GALNT16: variants seen among roughly 807,000 people sequenced by gnomAD.
The protein encoded by GALNT16 is UDP-GalNAc:polypeptide N-acetylgalactosaminyltransferase-like protein 1.
A neutral mutation model predicts 76.1 loss-of-function variants in GALNT16; 40 were observed. That is an observed-to-expected ratio of 0.53 (90% CI 0.41 to 0.68). The LOEUF (loss-of-function observed/expected upper bound fraction) is 0.68, where lower values mean the gene tolerates loss of function less well. GALNT16 is among the 30% of genes least tolerant of loss of function. The pLI is 0.00. For synonymous variants in GALNT16, 276 were observed against 285.2 expected (o/e 0.97, Z 0.32); for missense variants, 621 against 731.9 (o/e 0.85, Z 1.75).
rs1309944354 is a variant in GALNT16 at position 69,349,088 on chromosome 14, C to T, written c.1539+1086C>T. ...GTGCCATTCTGGAAAGCAGCCACAG[C>T]CTCTCCCTCCGGCCTGTGTGTGTCT... On this transcript the variant is annotated intron_variant, in intron 14 of 14. Transcript: ENST00000448469. 6 of 152,462 alleles carry T rather than the reference C, an allele frequency of 3.9e-5. No homozygotes were observed. The East Asian group carries it at 5.8e-4, about 15-fold the overall frequency. The allele number at this position is 152,462 out of a possible 1,614,324, so 9.4% of individuals were successfully genotyped here. A position where few individuals can be genotyped will look rare whatever the true frequency, so the allele number is the denominator to read the frequency against.
chr14:69,368,691 G>A, the GALNT16 span, among the ~76,000 whole-genome samples: 1 of 152,176 alleles, frequency 6.6e-6, no homozygotes, highest in Non-Finnish European at 1.5e-5. Context: ...AATCACTGGG[G>A]GCCACCTCAG....
chr14:69,324,334 C>A (rs770447611), intron 2 of GALNT16, among the ~76,000 whole-genome samples: 31 of 152,178 alleles, frequency 2.0e-4, no homozygotes, highest in Non-Finnish European at 4.0e-4. Context: ...CTCGCACATA[C>A]CCCCCACCAT....
rs148042384 is a variant in GALNT16, at chr14:69,329,548, G to A, written c.690+977G>A. ...AAAAGATGGACAATAACAAGTGCTG[G>A]CAAGGACATGGAGAAATAGGAGCTG... On this transcript the variant is annotated intron_variant, in intron 6 of 14. Transcript: ENST00000448469. Among the ~76,000 whole-genome samples the A allele has an allele frequency of 2.2e-3, 332 of 152,268 alleles. 1 individual carries two copies. Among genetic ancestry groups the A allele is most frequent in the Admixed American group, 0.01 (160 of 15,300 alleles).
At chr14:69,373,708 T>C in the GALNT16 span, among the ~76,000 whole-genome samples, 1 of 152,046 alleles carries the variant, frequency 6.6e-6, no homozygotes. Flanking sequence ...TCTTTCTCTT[T>C]TTCTTTTCTT....
chr14:69,371,551 C>T, the GALNT16 span, among the ~76,000 whole-genome samples: 1 of 151,956 alleles, frequency 6.6e-6, no homozygotes, highest in Non-Finnish European at 1.5e-5. Flanking sequence ...CCACCACACC[C>T]GGCCTAACAG....
chr14:69,322,886 G>A lies in GALNT16; in HGVS notation c.336-1806G>A, dbSNP rs147422965. On this transcript the variant is annotated intron_variant, in intron 2 of 14. Coordinates refer to ENST00000448469, the MANE Select transcript of GALNT16 (RefSeq NM_001168368.2). ...AGCCTGGGTGCCAGAGTAAGGCTCC[G>A]TCTCAAAAAAGAAAAAAGAAAGCTG... Among the ~76,000 whole-genome samples the A allele has an allele frequency of 1.1e-4, 17 of 150,232 alleles. No homozygotes were observed. In the East Asian group the frequency reaches 2.2e-3, roughly 19 times the overall value.
intron 1 of GALNT16, among the ~76,000 whole-genome samples, chr14:69,272,829 G>T (rs1476701454): frequency 6.6e-6 from 1 of 152,224 alleles, no homozygotes; most frequent in African/African-American, 2.4e-5. Context: ...ATTCAGGACA[G>T]TAATATGCTG....
chr14:69,327,348 A>G (rs2045299099), intron 5 of GALNT16, among the ~76,000 whole-genome samples: 1 of 152,020 alleles, frequency 6.6e-6, no homozygotes, highest in Non-Finnish European at 1.5e-5. Context: ...ACAGAGCGAC[A>G]CTCAGTTTCG....
intron 1 of GALNT16, among the ~76,000 whole-genome samples, chr14:69,304,257 T>C (rs1401495531): frequency 1.3e-5 from 2 of 152,208 alleles, no homozygotes; most frequent in Non-Finnish European, 2.9e-5. Flanking sequence ...TGAAACAGAC[T>C]GGTAAAGGCC....
chr14:69,373,084 C>G, the GALNT16 span, among the ~76,000 whole-genome samples: 1 of 152,132 alleles, frequency 6.6e-6, no homozygotes, highest in Non-Finnish European at 1.5e-5. Flanking sequence ...AGGGCAAGGA[C>G]CCAGAACTGT....
At chr14:69,273,245 G>C (rs1001653442) in intron 1 of GALNT16, among the ~76,000 whole-genome samples, 1 of 152,210 alleles carries the variant, frequency 6.6e-6, no homozygotes, top group East Asian at 1.9e-4. Flanking sequence ...TTGGAGGAGG[G>C]GTAGGAGCAG....
intron 11 of GALNT16, among the ~76,000 whole-genome samples, chr14:69,340,270 C>A (rs372837947): frequency 6.6e-6 from 1 of 152,024 alleles, no homozygotes; most frequent in African/African-American, 2.4e-5. Flanking sequence ...TGTTCCAGGA[C>A]CCCCCACGGA....
intron 1 of GALNT16, among the ~76,000 whole-genome samples, chr14:69,282,175 C>T (rs1037500183): frequency 1.3e-5 from 2 of 152,174 alleles, no homozygotes; most frequent in Non-Finnish European, 2.9e-5. Context: ...CACCCGCATC[C>T]CCTGGAGGCG....
chr14:69,301,814 C>A (rs367709342), intron 1 of GALNT16, among the ~76,000 whole-genome samples: 144 of 152,198 alleles, frequency 9.5e-4, no homozygotes, highest in African/African-American at 3.4e-3. Context: ...CATGGTGAAA[C>A]CTGCTCTCTC....
In GALNT16 at chr14:69,347,894, C is replaced by T. The variant is rs1019863351; in HGVS notation, c.1431C>T (p.Asp477=). ...CCTTGCAGGCATGGCTGTTCAGTGA[C>T]CACCTCATCCAGCAGCAGGGGAAGT... ...PQPAQAWLFS[D]HLIQQQGKCL... The change falls in exon 14 of 15, where the codon GAC becomes GAT. Residue 477 remains aspartate, a synonymous_variant. Coordinates refer to ENST00000448469, the MANE Select transcript of GALNT16 (RefSeq NM_001168368.2). 6.2e-7 allele frequency: 1 copy of T among 1,613,864 alleles called. No homozygotes were observed. Among genetic ancestry groups the T allele is most frequent in the East Asian group, 2.2e-5 (1 of 44,886 alleles).
At chr14:69,289,741 G>A (rs1243425613) in intron 1 of GALNT16, among the ~76,000 whole-genome samples, 3 of 151,958 alleles carry the variant, frequency 2.0e-5, no homozygotes, top group Non-Finnish European at 4.4e-5. Context: ...GTTGTTCTGA[G>A]TTATTTACTT....
chr14:69,334,590 G>A (rs1594859336), intron 9 of GALNT16, among the ~76,000 whole-genome samples: 1 of 152,222 alleles, frequency 6.6e-6, no homozygotes, highest in Admixed American at 6.5e-5. Flanking sequence ...ACTGGGCAGG[G>A]CTGTGACTTC....
chr14:69,327,265 A>ACTTGAACC (rs1421998782), intron 5 of GALNT16, among the ~76,000 whole-genome samples: 5 of 152,126 alleles, frequency 3.3e-5, no homozygotes, highest in African/African-American at 1.2e-4. Flanking sequence ...CAGGAGAATC[A>ACTTGAACC]CTTGAACGCT....
rs764174616 is a variant in GALNT16 at position 69,338,670 on chromosome 14, GA to G, written c.988del (p.Met330CysfsTer72). On this transcript the variant is annotated frameshift_variant, in exon 10 of 15. Coordinates refer to ENST00000448469, the MANE Select transcript of GALNT16 (RefSeq NM_001168368.2). LOFTEE classifies it high-confidence loss of function. The part of the protein sequence containing the change: ...ENFELSFRVW[M>X]CGGSLEIVPC... ...CTGCAGAGCTCTCCTTCAGGGTGTGGATGTGTGGTGGCAGTCTGGAGATCGT... is the reference window on the plus strand; with the variant it reads ...CTGCAGAGCTCTCCTTCAGGGTGTGGTGTGTGGTGGCAGTCTGGAGATCGT... 1.2e-6 allele frequency: 2 copies of G among 1,613,970 alleles called. No individual in the cohort carries two copies. Among genetic ancestry groups the G allele is most frequent in the South Asian group, 2.2e-5 (2 of 91,060 alleles).
Sources: allele counts gnomAD v4.1 joint callset (sites outside exome capture counted in the v4.1 genomes callset), GRCh38; gene constraint gnomAD v4.1.1; transcripts MANE v1.5; gene names NCBI Gene and HGNC (gene_info 2026-07-23, HGNC 2026-07-21).